Variants in RIOK1 observed in about 807,000 individuals in gnomAD.
RIOK1 encodes RIO kinase 1.
In RIOK1, 66 loss-of-function variants were observed where a neutral mutation model predicts 73.5. That is an observed-to-expected ratio of 0.90 (90% CI 0.74 to 1.10). The LOEUF is 1.10. Ranked by LOEUF, RIOK1 falls within the 50% of genes least tolerant of loss-of-function variation. The pLI is 0.00. For missense variants in RIOK1, 658 were observed against 699.8 expected (o/e 0.94, Z 0.67); for synonymous variants, 224 against 226.8 (o/e 0.99, Z 0.11).
intron 10 of RIOK1, 123 bp from the exon 11 acceptor site, chr6:7,404,795 T>A: frequency 1.1e-6 from 1 of 930,466 alleles, no homozygotes; most frequent in East Asian, 2.6e-5. Context: ...CAAGATTGCC[T>A]CATCTTATCT....
At chr6:7,392,010 G>GT (rs551097793) in intron 1 of RIOK1, among the ~76,000 whole-genome samples, 12 of 152,192 alleles carry the variant, frequency 7.9e-5, no homozygotes, top group South Asian at 2.1e-4. Context: ...TTTTCAGCTG[G>GT]TATCTCATAT....
At chr6:7,410,029 T>C (rs80013518) in intron 12 of RIOK1, among the ~76,000 whole-genome samples, 2,092 of 152,322 alleles carry the variant, frequency 0.014, 20 homozygotes, top group Non-Finnish European at 0.021. Flanking sequence ...ATTTAAGGAA[T>C]GGTTCTTTCA....
intron 1 of RIOK1, among the ~76,000 whole-genome samples, chr6:7,390,474 T>C (rs750623021): frequency 2.0e-5 from 3 of 152,244 alleles, no homozygotes; most frequent in Non-Finnish European, 4.4e-5. Context: ...CATGGAACTT[T>C]ACCTTCTACG....
In RIOK1 at chr6:7,418,035, C is replaced by A. The variant is rs1189488033; in HGVS notation, c.*594C>A. The A allele has an allele frequency of 1.3e-5, 2 of 152,184 alleles. No homozygotes were observed. 9.4% of individuals were successfully genotyped at this position (152,184 alleles called of 1,614,324 possible). A position where few individuals can be genotyped will look rare whatever the true frequency, so the allele number is the denominator to read the frequency against. ...TCAGTTCATAAAGTTTTTTACAATT[C>A]AATCATTTGGCATATTCATTCATTC... On this transcript the variant is annotated 3_prime_UTR_variant, in exon 17 of 17. Coordinates refer to ENST00000379834, the MANE Select transcript of RIOK1 (RefSeq NM_031480.3).
At position 7,417,726 on chromosome 6, in the gene RIOK1, A is replaced by G. The variant is rs1762043812; in HGVS notation, c.*285A>G. The G allele has an allele frequency of 5.3e-6, 1 of 190,202 alleles. No individual in the cohort carries two copies. Among genetic ancestry groups the G allele is most frequent in the Non-Finnish European group, 1.1e-5 (1 of 89,212 alleles). The allele number at this position is 190,202 out of a possible 1,614,324, so 11.8% of individuals were successfully genotyped here. A position where few individuals can be genotyped will look rare whatever the true frequency, so the allele number is the denominator to read the frequency against. On this transcript the variant is annotated 3_prime_UTR_variant, in exon 17 of 17. Coordinates refer to ENST00000379834, the MANE Select transcript of RIOK1 (RefSeq NM_031480.3). Reference sequence around the variant, plus strand: ...ATTTTTATATTTTTTTCTCTTACAAATATGTTTTTGGAAGCATGATAAATG... The same window carrying G: ...ATTTTTATATTTTTTTCTCTTACAAGTATGTTTTTGGAAGCATGATAAATG...
At chr6:7,409,734 T>C (rs1761839356) in intron 12 of RIOK1, among the ~76,000 whole-genome samples, 2 of 148,414 alleles carry the variant, frequency 1.3e-5, no homozygotes, top group South Asian at 4.3e-4. Flanking sequence ...CCTCCCAAAG[T>C]GCTGGGATTA....
chr6:7,414,246 A>G lies in RIOK1; in HGVS notation c.1452A>G (p.Ala484=), dbSNP rs748164281. 1 of 1,611,946 alleles carries G rather than the reference A, an allele frequency of 6.2e-7. No individual in the cohort carries two copies. Among genetic ancestry groups the G allele is most frequent in the Non-Finnish European group, 8.5e-7 (1 of 1,179,272 alleles). ...TCTTTAATAATTTCAAGGTCCCTGC[A>G]CTCCTAGAAAATCAAGTGGAGGAAA... The part of the protein sequence containing the change: ...KDLSGVQKVP[A]LLENQVEERT... The change falls in exon 16 of 17, where the codon GCA becomes GCG. Residue 484 remains alanine, a synonymous_variant. Coordinates refer to ENST00000379834, the MANE Select transcript of RIOK1 (RefSeq NM_031480.3).
chr6:7,416,407 G>C (rs906681688), intron 16 of RIOK1, among the ~76,000 whole-genome samples: 2 of 152,202 alleles, frequency 1.3e-5, no homozygotes, highest in Non-Finnish European at 2.9e-5. Context: ...CCATCACTTT[G>C]GGAGGCCAAG....
chr6:7,414,185 A>G (rs1561882341), intron 15 of RIOK1, 53 bp from the exon 16 acceptor site: 12 of 1,527,232 alleles, frequency 7.9e-6, no homozygotes, highest in East Asian at 2.3e-5. Context: ...ACAACAACAC[A>G]TAACTTGGTT....
intron 16 of RIOK1, among the ~76,000 whole-genome samples, chr6:7,414,633 T>A (rs1169209864): frequency 6.6e-6 from 1 of 152,154 alleles, no homozygotes; most frequent in Non-Finnish European, 1.5e-5. Flanking sequence ...TTCAGTACAT[T>A]TCACATGAAG....
Position 7,417,528 on chromosome 6 carries a change from GT to G in RIOK1, c.*91del. 1.3e-6 allele frequency: 1 copy of G among 774,984 alleles called. No homozygotes were observed. Among genetic ancestry groups the G allele is most frequent in the Non-Finnish European group, 2.0e-6 (1 of 489,410 alleles). 48.0% of individuals were successfully genotyped at this position (774,984 alleles called of 1,614,324 possible). A position where few individuals can be genotyped will look rare whatever the true frequency, so the allele number is the denominator to read the frequency against. On this transcript the variant is annotated 3_prime_UTR_variant, in exon 17 of 17. Transcript: ENST00000379834. ...GCTGCATCTGGAAGATGGCTTATTG[GT>G]TTTAACCAGATTGTCATCGTGGCAC...
chr6:7,417,604 C>G lies in RIOK1; in HGVS notation c.*163C>G, dbSNP rs1233226481. 13 of 475,280 alleles carry G rather than the reference C, an allele frequency of 2.7e-5. No homozygotes were observed. Among genetic ancestry groups the G allele is most frequent in the Non-Finnish European group, 4.2e-5 (11 of 261,822 alleles). 29.4% of individuals were successfully genotyped at this position (475,280 alleles called of 1,614,324 possible). A position where few individuals can be genotyped will look rare whatever the true frequency, so the allele number is the denominator to read the frequency against. On this transcript the variant is annotated 3_prime_UTR_variant, in exon 17 of 17. Coordinates refer to ENST00000379834, the MANE Select transcript of RIOK1 (RefSeq NM_031480.3). ...TTTTCATGTAACTATGTAAAAAGCTCTAAGCTCTAGAGTCTAGATCCAGTC... is the reference window on the plus strand; with the variant it reads ...TTTTCATGTAACTATGTAAAAAGCTGTAAGCTCTAGAGTCTAGATCCAGTC...
At chr6:7,399,735 C>A (rs573421345) in intron 5 of RIOK1, among the ~76,000 whole-genome samples, 1 of 152,346 alleles carries the variant, frequency 6.6e-6, no homozygotes, top group Non-Finnish European at 1.5e-5. Flanking sequence ...CCTAGAGGCC[C>A]ATACTCAGCC....
chr6:7,418,030 C>G lies in RIOK1; in HGVS notation c.*589C>G, dbSNP rs897561140. ...ACCTCTCAGTTCATAAAGTTTTTTA[C>G]AATTCAATCATTTGGCATATTCATT... On this transcript the variant is annotated 3_prime_UTR_variant, in exon 17 of 17. Transcript: ENST00000379834. 2 of 152,208 alleles carry G rather than the reference C, an allele frequency of 1.3e-5. No homozygotes were observed. The highest frequency in any genetic ancestry group is 4.8e-5 in the African/African-American group (2 of 41,456). The allele number at this position is 152,208 out of a possible 1,614,324, so 9.4% of individuals were successfully genotyped here. A position where few individuals can be genotyped will look rare whatever the true frequency, so the allele number is the denominator to read the frequency against.
chr6:7,406,911 A>G (rs1190025205), intron 12 of RIOK1, among the ~76,000 whole-genome samples: 3 of 152,166 alleles, frequency 2.0e-5, no homozygotes, highest in Non-Finnish European at 2.9e-5. Context: ...ACCCGCCTGC[A>G]TCGGCCTCCC....
intron 4 of RIOK1, among the ~76,000 whole-genome samples, chr6:7,397,985 C>T (rs1761515913): frequency 6.6e-6 from 1 of 151,984 alleles, no homozygotes; most frequent in East Asian, 1.9e-4. Flanking sequence ...ACTAAAAATA[C>T]AAAAAAATTA....
chr6:7,404,900 T>A lies in RIOK1; in HGVS notation c.993-18T>A. ...TAAAGTAATACCATCCCACAGCTTC[T>A]GTGTCTCTGGCCCATAGGTACCACG... On this transcript the variant is annotated intron_variant, in intron 10 of 16. Coordinates refer to ENST00000379834, the MANE Select transcript of RIOK1 (RefSeq NM_031480.3). 1 of 1,594,774 alleles carries A rather than the reference T, an allele frequency of 6.3e-7. No homozygotes were observed.
At chr6:7,416,505 G>A (rs149680000) in intron 16 of RIOK1, among the ~76,000 whole-genome samples, 2,406 of 152,160 alleles carry the variant, frequency 0.016, 87 homozygotes, top group African/African-American at 0.054. Context: ...AAAATTAGCC[G>A]GGCGTGGTGG....
intron 9 of RIOK1, 55 bp downstream of exon 9, chr6:7,404,082 T>C: frequency 8.4e-7 from 1 of 1,196,764 alleles, no homozygotes; most frequent in South Asian, 1.2e-5. Context: ...TTTTAAGTTC[T>C]TTGAGTTTAT....
Sources: allele counts gnomAD v4.1 joint callset (sites outside exome capture counted in the v4.1 genomes callset), GRCh38; gene constraint gnomAD v4.1.1; transcripts MANE v1.5; gene names NCBI Gene and HGNC (gene_info 2026-07-23, HGNC 2026-07-21).